STARD3NL: variants seen among roughly 807,000 people sequenced by gnomAD.
STARD3NL encodes the protein STARD3 N-terminal like.
In STARD3NL, 17 loss-of-function variants were observed where a neutral mutation model predicts 30.9. That is an observed-to-expected ratio of 0.55 (90% CI 0.38 to 0.82). STARD3NL has a LOEUF of 0.82. Ranked by LOEUF, STARD3NL falls within the 40% of genes least tolerant of loss-of-function variation. The pLI, the probability that STARD3NL is intolerant of heterozygous loss-of-function variation, is 0.00. For missense variants in STARD3NL, 234 were observed against 277.6 expected, an observed-to-expected ratio of 0.84 and a Z score of 1.12; for synonymous variants, 112 against 100.5, an observed-to-expected ratio of 1.11 and a Z score of -0.69.
chr7:38,192,172 T>TGCTTTC (rs1430212822), intron 1 of STARD3NL, among the ~76,000 whole-genome samples: 1 of 152,250 alleles, frequency 6.6e-6, no homozygotes, highest in Non-Finnish European at 1.5e-5. Flanking sequence ...TTTCTTTTTT[T>TGCTTTC]GCTTTCTCTT....
intron 1 of STARD3NL, among the ~76,000 whole-genome samples, chr7:38,188,676 A>T (rs1374402382): frequency 6.6e-6 from 1 of 152,224 alleles, no homozygotes; most frequent in East Asian, 1.9e-4. Flanking sequence ...TGTAGTTCAC[A>T]TCCAGATTCA....
At chr7:38,183,482 T>C (rs1784328144) in intron 1 of STARD3NL, among the ~76,000 whole-genome samples, 1 of 152,210 alleles carries the variant, frequency 6.6e-6, no homozygotes, top group African/African-American at 2.4e-5. Flanking sequence ...GCTTAATAAA[T>C]ATGTCCATTT....
At chr7:38,187,987 C>T (rs1784532367) in intron 1 of STARD3NL, among the ~76,000 whole-genome samples, 2 of 152,296 alleles carry the variant, frequency 1.3e-5, no homozygotes, top group South Asian at 4.1e-4. Context: ...CTATTCTCAT[C>T]CCCTCTACTG....
chr7:38,225,844 G>GC (rs1266904378), intron 7 of STARD3NL, among the ~76,000 whole-genome samples: 1 of 152,150 alleles, frequency 6.6e-6, no homozygotes, highest in Admixed American at 6.5e-5. Flanking sequence ...TTGGCTTTCA[G>GC]CAGGTTGACA....
rs542200781 is a variant in STARD3NL, at chr7:38,224,057, A to T, written c.649+4397A>T. ...CATTTAATGTAAATGTAGTGATATG[A>T]TACATGGCTTTTTGCATCCAGCCTC... On this transcript the variant is annotated intron_variant, in intron 7 of 8. Transcript: ENST00000009041. Among the ~76,000 whole-genome samples the T allele has an allele frequency of 2.6e-5, 4 of 152,324 alleles. No homozygotes were observed. The South Asian group carries it at 8.3e-4, about 32-fold the overall frequency.
In STARD3NL at chr7:38,214,502, A is replaced by G. The variant is rs190471432; in HGVS notation, c.303+68A>G. 418 of 996,868 alleles carry G rather than the reference A, an allele frequency of 4.2e-4. 2 individuals carry two copies. In the African/African-American group the frequency reaches 6.4e-3, roughly 15 times the overall value. 61.8% of individuals were successfully genotyped at this position (996,868 alleles called of 1,614,324 possible). On this transcript the variant is annotated intron_variant, in intron 3 of 8. Coordinates refer to ENST00000009041, the MANE Select transcript of STARD3NL (RefSeq NM_032016.4). Reference sequence around the variant, plus strand: ...CCCAAAAGGCAGATTTCCTCTAAATAGACTTCAAATTCCATGCCCTTTTTT... The same window carrying G: ...CCCAAAAGGCAGATTTCCTCTAAATGGACTTCAAATTCCATGCCCTTTTTT...
intron 2 of STARD3NL, among the ~76,000 whole-genome samples, chr7:38,211,932 C>T (rs545082272): frequency 6.6e-6 from 1 of 152,318 alleles, no homozygotes; most frequent in Non-Finnish European, 1.5e-5. Context: ...GACCACTTCT[C>T]TTCTTTTCCA....
chr7:38,196,767 T>C (rs1056144025), intron 1 of STARD3NL, among the ~76,000 whole-genome samples: 1 of 152,238 alleles, frequency 6.6e-6, no homozygotes, highest in Admixed American at 6.5e-5. Context: ...AGTAGCTTTC[T>C]ATTGCCTCAG....
At chr7:38,180,787 A>G (rs1784214601) in intron 1 of STARD3NL, among the ~76,000 whole-genome samples, 1 of 152,200 alleles carries the variant, frequency 6.6e-6, no homozygotes, top group South Asian at 2.1e-4. Context: ...CATTTTAGAG[A>G]TCACATGATT....
chr7:38,193,070 T>C (rs1397101992), intron 1 of STARD3NL, among the ~76,000 whole-genome samples: 2 of 152,174 alleles, frequency 1.3e-5, no homozygotes, highest in African/African-American at 2.4e-5. Context: ...GAAACAGATA[T>C]CCACTTGGAA....
At chr7:38,206,586 G>A in intron 1 of STARD3NL, among the ~76,000 whole-genome samples, 1 of 152,170 alleles carries the variant, frequency 6.6e-6, no homozygotes, top group East Asian at 1.9e-4. Flanking sequence ...TATATCTTCT[G>A]TAATTATTGG....
chr7:38,226,304 A>G (rs1410564624), intron 7 of STARD3NL, among the ~76,000 whole-genome samples: 2 of 151,964 alleles, frequency 1.3e-5, no homozygotes, highest in African/African-American at 4.8e-5. Flanking sequence ...TGTGAAATCT[A>G]TACACCCTAG....
intron 1 of STARD3NL, among the ~76,000 whole-genome samples, chr7:38,180,733 G>T (rs1784212846): frequency 6.6e-6 from 1 of 152,164 alleles, no homozygotes; most frequent in East Asian, 1.9e-4. Flanking sequence ...TTGCTACCCT[G>T]AGCAGCAAGT....
At chr7:38,191,616 T>C (rs1784689427) in intron 1 of STARD3NL, among the ~76,000 whole-genome samples, 2 of 152,244 alleles carry the variant, frequency 1.3e-5, no homozygotes, top group African/African-American at 4.8e-5. Context: ...CTGGTTGTTT[T>C]CTTCACTGTT....
intron 2 of STARD3NL, among the ~76,000 whole-genome samples, chr7:38,212,166 G>T (rs1409165524): frequency 6.6e-6 from 1 of 152,146 alleles, no homozygotes; most frequent in Non-Finnish European, 1.5e-5. Context: ...TTCACTGGCA[G>T]GCCATGCTTT....
At chr7:38,214,914 C>G (rs1786012304) in intron 3 of STARD3NL, 114 bp from the exon 4 acceptor site, 1 of 906,656 alleles carries the variant, frequency 1.1e-6, no homozygotes, top group African/African-American at 1.6e-5. Flanking sequence ...AGTGCCAGTC[C>G]CTGGTAGTCT....
chr7:38,197,257 G>C (rs1210860828), intron 1 of STARD3NL, among the ~76,000 whole-genome samples: 7 of 136,844 alleles, frequency 5.1e-5, no homozygotes. Flanking sequence ...TCAGGGCCTT[G>C]CTCTGTCTCC....
chr7:38,182,635 C>G (rs1232515995), intron 1 of STARD3NL, among the ~76,000 whole-genome samples: 2 of 152,116 alleles, frequency 1.3e-5, no homozygotes, highest in Admixed American at 6.5e-5. Context: ...GTTTTGCTTG[C>G]TTTATTTGTG....
intron 1 of STARD3NL, among the ~76,000 whole-genome samples, chr7:38,184,482 G>A (rs1248127606): frequency 3.3e-5 from 5 of 151,806 alleles, no homozygotes; most frequent in African/African-American, 1.2e-4. Context: ...GGAGCAGCAT[G>A]TCACATGGCA....
Sources: allele counts gnomAD v4.1 joint callset (sites outside exome capture counted in the v4.1 genomes callset), GRCh38; gene constraint gnomAD v4.1.1; transcripts MANE v1.5; gene names NCBI Gene and HGNC (gene_info 2026-07-23, HGNC 2026-07-21).